The following ZC3H12B variants were observed in gnomAD, a reference collection of about 807,000 sequenced individuals.
The protein encoded by ZC3H12B is zinc finger CCCH-type containing 12B.
A neutral mutation model predicts 43.9 loss-of-function variants in ZC3H12B; 7 were observed. The ratio of observed to expected loss-of-function variants is 0.16; its 90% CI spans 0.09 to 0.30. The LOEUF (loss-of-function observed/expected upper bound fraction) is 0.30. Among genes scored for constraint, ZC3H12B ranks in the 10% least tolerant of loss-of-function variants. The pLI is 1.00. For missense variants in ZC3H12B, 475 were observed against 670.2 expected, an observed-to-expected ratio of 0.71 and a Z score of 3.22; for synonymous variants, 222 against 241.7, an observed-to-expected ratio of 0.92 and a Z score of 0.76.
intron 2 of ZC3H12B, among the ~76,000 whole-genome samples, chrX:65,390,085 G>A (rs749528400): frequency 2.7e-4 from 30 of 112,069 alleles, no homozygotes; most frequent in African/African-American, 9.4e-4. Context: ...CATAAAAAAG[G>A]ATGAGTTCAT....
the ZC3H12B span, among the ~76,000 whole-genome samples, chrX:65,083,866 G>A: frequency 9.0e-6 from 1 of 111,541 alleles, no homozygotes; most frequent in Non-Finnish European, 1.9e-5. Context: ...TTATACTACA[G>A]AACCATAGTA....
At chrX:65,437,639 G>T (rs920694080) in intron 3 of ZC3H12B, among the ~76,000 whole-genome samples, 1 of 111,152 alleles carries the variant, frequency 9.0e-6, no homozygotes, top group African/African-American at 3.3e-5. Flanking sequence ...ATATATTCTG[G>T]TTATTAATCC....
At chrX:65,336,149 C>T in the ZC3H12B span, among the ~76,000 whole-genome samples, 1 of 112,184 alleles carries the variant, frequency 8.9e-6, no homozygotes, top group East Asian at 2.8e-4. Flanking sequence ...CTCTTGAATC[C>T]TTTTTCTTAT....
At chrX:65,494,058 T>A (rs924207172) in intron 1 of ZC3H12B, among the ~76,000 whole-genome samples, 40 of 111,251 alleles carry the variant, frequency 3.6e-4, no homozygotes, top group Non-Finnish European at 7.1e-4. Flanking sequence ...ATGCTATAGG[T>A]ATGTTACATT....
chrX:65,056,650 A>C, the ZC3H12B span, among the ~76,000 whole-genome samples: 1 of 110,535 alleles, frequency 9.0e-6, no homozygotes, highest in African/African-American at 3.3e-5. Flanking sequence ...ATCGTTGTTA[A>C]CTTTCTGTCT....
the ZC3H12B span, among the ~76,000 whole-genome samples, chrX:65,192,225 G>A: frequency 1.0e-3 from 113 of 110,585 alleles, 3 homozygotes; most frequent in South Asian, 0.043. Context: ...TTCCAACTAT[G>A]TGGTCAATTT....
the ZC3H12B span, among the ~76,000 whole-genome samples, chrX:65,256,750 G>T: frequency 8.9e-6 from 1 of 111,885 alleles, no homozygotes. Flanking sequence ...GAATCCAGAC[G>T]TTGGTTTGTT....
At chrX:65,229,728 A>G in the ZC3H12B span, among the ~76,000 whole-genome samples, 1 of 101,267 alleles carries the variant, frequency 9.9e-6, no homozygotes, top group Non-Finnish European at 2.0e-5. Context: ...GGTGAAGGAC[A>G]TGAACAGACA....
the ZC3H12B span, among the ~76,000 whole-genome samples, chrX:65,152,792 G>A: frequency 4.5e-5 from 5 of 111,494 alleles, no homozygotes; most frequent in African/African-American, 1.3e-4. Flanking sequence ...CTAAGCCAAA[G>A]GAACAAAGCT....
At chrX:65,428,974 G>C (rs2067117139) in intron 3 of ZC3H12B, among the ~76,000 whole-genome samples, 1 of 112,281 alleles carries the variant, frequency 8.9e-6, no homozygotes, top group Admixed American at 9.4e-5. Context: ...TTTTCTGTTT[G>C]TTTTTGTTTT....
chrX:65,252,451 T>C, the ZC3H12B span, among the ~76,000 whole-genome samples: 1 of 112,138 alleles, frequency 8.9e-6, no homozygotes, highest in Non-Finnish European at 1.9e-5. Flanking sequence ...ATTTTATCTG[T>C]ATTAAAAAAT....
chrX:65,065,967 C>G, the ZC3H12B span, among the ~76,000 whole-genome samples: 1 of 106,931 alleles, frequency 9.4e-6, no homozygotes, highest in Non-Finnish European at 1.9e-5. Context: ...TTCACAAAGT[C>G]CTCGTTCTGT....
chrX:65,183,228 C>T, the ZC3H12B span, among the ~76,000 whole-genome samples: 7 of 111,495 alleles, frequency 6.3e-5, no homozygotes, highest in East Asian at 1.4e-3. Flanking sequence ...GAATTTTATG[C>T]GGCCATAAAA....
At chrX:65,226,769 T>C in the ZC3H12B span, among the ~76,000 whole-genome samples, 2 of 110,340 alleles carry the variant, frequency 1.8e-5, no homozygotes, top group African/African-American at 6.6e-5. Flanking sequence ...ACAACAAAGA[T>C]CAAAAGAGAC....
chrX:65,139,973 T>C, the ZC3H12B span, among the ~76,000 whole-genome samples: 1 of 111,347 alleles, frequency 9.0e-6, no homozygotes, highest in African/African-American at 3.2e-5. Context: ...ATATTAGTTC[T>C]AAAAGTTTTT....
upstream of ZC3H12B, among the ~76,000 whole-genome samples, chrX:65,485,932 A>C (rs748740680): frequency 1.8e-5 from 2 of 112,031 alleles, no homozygotes; most frequent in African/African-American, 6.5e-5. Context: ...GCTCCTTGAG[A>C]TCAGTCCTCA....
intron 3 of ZC3H12B, among the ~76,000 whole-genome samples, chrX:65,416,851 G>T (rs969875638): frequency 9.0e-6 from 1 of 110,826 alleles, no homozygotes; most frequent in Non-Finnish European, 1.9e-5. Flanking sequence ...GAACTCTGGG[G>T]CAGAGCTCCA....
chrX:65,095,433 G>A, the ZC3H12B span, among the ~76,000 whole-genome samples: 1 of 110,990 alleles, frequency 9.0e-6, no homozygotes, highest in Non-Finnish European at 1.9e-5. Flanking sequence ...AGGTCTTGAG[G>A]CAAATTACTG....
At chrX:65,228,555 A>T in the ZC3H12B span, among the ~76,000 whole-genome samples, 1 of 110,963 alleles carries the variant, frequency 9.0e-6, no homozygotes, top group African/African-American at 3.3e-5. Context: ...AGGAGAAGGA[A>T]ATAAAGGGTA....
Sources: allele counts gnomAD v4.1 joint callset (sites outside exome capture counted in the v4.1 genomes callset), GRCh38; gene constraint gnomAD v4.1.1; transcripts MANE v1.5; gene names NCBI Gene and HGNC (gene_info 2026-07-23, HGNC 2026-07-21).